MAGI2: variants seen among roughly 807,000 people sequenced by gnomAD.
MAGI2 encodes membrane associated guanylate kinase, WW and PDZ domain containing 2, also known as membrane-associated guanylate kinase, WW and PDZ domain-containing protein 2.
Under a neutral mutation model 133.3 loss-of-function variants are expected in MAGI2, and 35 were observed. The ratio of observed to expected loss-of-function variants is 0.26; its 90% CI spans 0.20 to 0.35. The LOEUF is 0.35. MAGI2 is among the 10% of genes least tolerant of loss of function. MAGI2 has a pLI of 1.00. For missense variants in MAGI2, 1,636 were observed against 1,863.4 expected (o/e 0.88, Z 2.25); for synonymous variants, 729 against 710.6 (o/e 1.03, Z -0.41).
chr7:78,238,159 G>C (rs898354085), intron 10 of MAGI2, among the ~76,000 whole-genome samples: 3 of 152,028 alleles, frequency 2.0e-5, no homozygotes, highest in African/African-American at 7.2e-5. Context: ...AAAATTGGAG[G>C]TTCCTAGTCC....
chr7:78,294,574 G>T (rs1797040672), intron 9 of MAGI2, among the ~76,000 whole-genome samples: 1 of 152,252 alleles, frequency 6.6e-6, no homozygotes, highest in South Asian at 2.1e-4. Context: ...GCCTAAGGCA[G>T]ATCTTAGGAC....
intron 21 of MAGI2, among the ~76,000 whole-genome samples, chr7:78,058,003 A>ATATGTGTGTGTGTGTGTGTGTGTG: frequency 5.1e-5 from 6 of 117,026 alleles, no homozygotes; most frequent in Non-Finnish European, 9.1e-5. Flanking sequence ...ATATATATAT[A>ATATGTGTGTGTGTGTGTGTGTGTG]TGTATGAGAA....
At chr7:79,371,026 A>T (rs999541610) in intron 1 of MAGI2, among the ~76,000 whole-genome samples, 2 of 152,104 alleles carry the variant, frequency 1.3e-5, no homozygotes, top group African/African-American at 4.8e-5. Context: ...GAAATAAAAA[A>T]AAGGAACATG....
intron 1 of MAGI2, among the ~76,000 whole-genome samples, chr7:79,092,908 A>C (rs984132485): frequency 6.6e-6 from 1 of 152,222 alleles, no homozygotes; most frequent in African/African-American, 2.4e-5. Context: ...TTCTGTATCA[A>C]GTGTGACCCA....
chr7:79,313,910 C>T (rs1318479360), intron 1 of MAGI2, among the ~76,000 whole-genome samples: 2 of 150,912 alleles, frequency 1.3e-5, no homozygotes, highest in Admixed American at 6.6e-5. Context: ...TCAAGTGATT[C>T]TTCTGCCTCA....
At chr7:78,757,302 TCC>T (rs1491465843) in intron 2 of MAGI2, among the ~76,000 whole-genome samples, 1 of 124,312 alleles carries the variant, frequency 8.0e-6, no homozygotes. Flanking sequence ...TCCTTCTCCC[TCC>T]TTCTCTCTCT....
chr7:78,608,878 A>G (rs1485065945), intron 3 of MAGI2, among the ~76,000 whole-genome samples: 1 of 152,212 alleles, frequency 6.6e-6, no homozygotes, highest in Non-Finnish European at 1.5e-5. Flanking sequence ...GGGCAGAACT[A>G]ATAGAATGTC....
At chr7:79,408,466 G>C (rs537583754) in intron 1 of MAGI2, among the ~76,000 whole-genome samples, 1 of 151,984 alleles carries the variant, frequency 6.6e-6, no homozygotes, top group South Asian at 2.1e-4. Context: ...CATGGGTAAG[G>C]AGATACTATA....
rs1489624100 is a variant in MAGI2 at position 79,453,177 on chromosome 7, C to T, written c.144G>A (p.Lys48=). ...CGCTCTCATAGGCCACCTTGCCGGG[C>T]TTCACCTCCCCCAGGTAGGGGAACT... ...NGQFPYLGEV[K]PGKVAYESGS... Residue 48 remains lysine (K), a synonymous_variant, in exon 1 of 22, where the codon AAG becomes AAA. Transcript: ENST00000354212. 1.9e-6 allele frequency: 3 copies of T among 1,613,958 alleles called. No individual in the cohort carries two copies. Among genetic ancestry groups the T allele is most frequent in the Non-Finnish European group, 2.5e-6 (3 of 1,180,046 alleles).
intron 20 of MAGI2, among the ~76,000 whole-genome samples, chr7:78,097,707 T>C (rs1817836387): frequency 1.3e-5 from 2 of 151,910 alleles, no homozygotes; most frequent in African/African-American, 4.8e-5. Flanking sequence ...AAGATAACTA[T>C]TGGGTACTGG....
chr7:78,602,568 T>C (rs1805320599), intron 3 of MAGI2, among the ~76,000 whole-genome samples: 1 of 152,136 alleles, frequency 6.6e-6, no homozygotes, highest in African/African-American at 2.4e-5. Context: ...GAGGTAGAAA[T>C]GCTATGTTCT....
chr7:78,580,534 A>G (rs1172220839), intron 3 of MAGI2, among the ~76,000 whole-genome samples: 4 of 152,246 alleles, frequency 2.6e-5, no homozygotes, highest in Admixed American at 2.6e-4. Context: ...CAATTGGGGC[A>G]CAGGCAGGTT....
chr7:78,246,894 C>T (rs1257843546), intron 10 of MAGI2, among the ~76,000 whole-genome samples: 1 of 152,166 alleles, frequency 6.6e-6, no homozygotes, highest in African/African-American at 2.4e-5. Flanking sequence ...CAAGCTGGCC[C>T]CCTGGGCCTA....
intron 1 of MAGI2, among the ~76,000 whole-genome samples, chr7:79,234,049 TA>T (rs1831637187): frequency 7.0e-6 from 1 of 142,288 alleles, no homozygotes; most frequent in Non-Finnish European, 1.5e-5. Context: ...CTCCTTCGCT[TA>T]TGAAGCTTAG....
chr7:78,985,219 T>C (rs934123732), intron 2 of MAGI2, among the ~76,000 whole-genome samples: 4 of 152,014 alleles, frequency 2.6e-5, no homozygotes, highest in Non-Finnish European at 4.4e-5. Context: ...AGTTGTAAGG[T>C]AGCAATCACC....
chr7:78,142,744 T>A (rs777483342), intron 16 of MAGI2, among the ~76,000 whole-genome samples: 1 of 152,074 alleles, frequency 6.6e-6, no homozygotes, highest in South Asian at 2.1e-4. Context: ...GACATTAGAG[T>A]GGCAGGAAGC....
intron 1 of MAGI2, among the ~76,000 whole-genome samples, chr7:79,303,768 A>G (rs1837554658): frequency 6.6e-6 from 1 of 152,202 alleles, no homozygotes; most frequent in South Asian, 2.1e-4. Context: ...ATGAATTGAT[A>G]GCCCAGAGAC....
chr7:78,651,681 T>C (rs1811590598), intron 2 of MAGI2, among the ~76,000 whole-genome samples: 1 of 152,134 alleles, frequency 6.6e-6, no homozygotes, highest in African/African-American at 2.4e-5. Context: ...TTAATTAGAA[T>C]AAAATGATGA....
At chr7:79,338,483 C>T (rs1840653127) in intron 1 of MAGI2, among the ~76,000 whole-genome samples, 4 of 152,094 alleles carry the variant, frequency 2.6e-5, no homozygotes, top group Admixed American at 2.6e-4. Context: ...TATTTCCGAC[C>T]AGCAAGCTCA....
Sources: gnomAD v4.1 joint callset for allele counts (sites outside exome capture counted in the v4.1 genomes callset) on GRCh38, gnomAD v4.1.1 for gene constraint, MANE v1.5 for transcripts, NCBI Gene and HGNC (gene_info 2026-07-23, HGNC 2026-07-21) for gene names.